KLHL14: variants seen among roughly 807,000 people sequenced by gnomAD.
KLHL14 encodes kelch like family member 14, also known as kelch-like protein 14.
A neutral mutation model predicts 64.3 loss-of-function variants in KLHL14; 22 were observed. The ratio of observed to expected loss-of-function variants is 0.34; its 90% CI spans 0.24 to 0.49. The LOEUF (loss-of-function observed/expected upper bound fraction) is 0.49, where lower values mean the gene tolerates loss of function less well. Among genes scored for constraint, KLHL14 ranks in the 20% least tolerant of loss-of-function variants. The pLI is 0.99. For synonymous variants in KLHL14, 322 were observed against 333.4 expected, an observed-to-expected ratio of 0.97 and a Z score of 0.37; for missense variants, 661 against 789.0, an observed-to-expected ratio of 0.84 and a Z score of 1.94.
At chr18:32,758,189 C>T (rs1348345352) in intron 2 of KLHL14, among the ~76,000 whole-genome samples, 5 of 151,946 alleles carry the variant, frequency 3.3e-5, no homozygotes, top group African/African-American at 1.2e-4. Context: ...GTGGACCGAT[C>T]ACAGCTCACT....
intron 3 of KLHL14, among the ~76,000 whole-genome samples, chr18:32,728,887 C>T (rs552816720): frequency 6.6e-6 from 1 of 152,124 alleles, no homozygotes; most frequent in Non-Finnish European, 1.5e-5. Context: ...GGGCTGGAAG[C>T]CACGAGAAGT....
chr18:32,691,624 G>C (rs2049908196), intron 4 of KLHL14, among the ~76,000 whole-genome samples: 2 of 152,168 alleles, frequency 1.3e-5, no homozygotes, highest in African/African-American at 4.8e-5. Flanking sequence ...AGGTGGCAAA[G>C]GAGGTGCAGA....
In KLHL14 at chr18:32,678,498, A is replaced by G. The variant is rs552091427; in HGVS notation, c.1589-1168T>C. Among the ~76,000 whole-genome samples the G allele has an allele frequency of 5.7e-4, 87 of 152,300 alleles. 1 individual carries two copies. The highest frequency in any genetic ancestry group is 2.1e-3 in the African/African-American group (86 of 41,576). On this transcript the variant is annotated intron_variant, in intron 7 of 8. Coordinates refer to ENST00000359358, the MANE Select transcript of KLHL14 (RefSeq NM_020805.3). ...AATGTACTCACTGCAACACCAGAGTATATTCCTTTCCTTTACCATTAATAT... is the reference window on the plus strand; with the variant it reads ...AATGTACTCACTGCAACACCAGAGTGTATTCCTTTCCTTTACCATTAATAT...
chr18:32,711,995 A>G (rs12458584), intron 3 of KLHL14, among the ~76,000 whole-genome samples: 47,969 of 152,060 alleles, frequency 0.32, 8,797 homozygotes, highest in East Asian at 0.58. Context: ...TTCTTAGACC[A>G]TTAATTATCC....
chr18:32,709,025 A>T (rs1184342098), intron 3 of KLHL14, among the ~76,000 whole-genome samples: 1 of 152,118 alleles, frequency 6.6e-6, no homozygotes, highest in Non-Finnish European at 1.5e-5. Context: ...TTCACAATTT[A>T]CTGAGAAAGT....
At chr18:32,705,420 T>A (rs1450018058) in intron 3 of KLHL14, among the ~76,000 whole-genome samples, 2 of 152,216 alleles carry the variant, frequency 1.3e-5, no homozygotes, top group East Asian at 1.9e-4. Context: ...CAAAATAAAA[T>A]TTTTTAAAAG....
In KLHL14 at chr18:32,769,735, GT is replaced by G. The variant is rs2050367595; in HGVS notation, c.856del (p.Thr286ProfsTer13). On this transcript the variant is annotated frameshift_variant, in exon 2 of 9. Coordinates refer to ENST00000359358, the MANE Select transcript of KLHL14 (RefSeq NM_020805.3). LOFTEE classifies it high-confidence loss of function. ...CAGCAGCTTCTGGCAGACCGGGTCG[GT>G]TCGCATGAAATCCACTGACTGGACC... ...ERVQSVDFMR[T>X]DPVCQKLLLD... 6.3e-7 allele frequency: 1 copy of G among 1,599,228 alleles called. No individual in the cohort carries two copies. Among genetic ancestry groups the G allele is most frequent in the Admixed American group, 1.7e-5 (1 of 59,392 alleles).
intron 4 of KLHL14, 104 bp from the exon 5 acceptor site, chr18:32,687,337 A>T: frequency 2.2e-6 from 2 of 908,604 alleles, no homozygotes; most frequent in Non-Finnish European, 1.8e-6. Context: ...TAACAAATAG[A>T]TGAATTAAGT....
chr18:32,701,078 T>C (rs1279510692), intron 3 of KLHL14, among the ~76,000 whole-genome samples: 1 of 152,184 alleles, frequency 6.6e-6, no homozygotes, highest in Non-Finnish European at 1.5e-5. Context: ...ACACTGGCAT[T>C]ATCGTCCACT....
At chr18:32,686,012 CTTT>C (rs5823856) in intron 5 of KLHL14, among the ~76,000 whole-genome samples, 6 of 138,530 alleles carry the variant, frequency 4.3e-5, no homozygotes, top group Non-Finnish European at 6.3e-5. Context: ...CTTTTTCTTT[CTTT>C]TTTTTTTTTT....
chr18:32,701,229 A>G (rs575960823), intron 3 of KLHL14, among the ~76,000 whole-genome samples: 1 of 152,306 alleles, frequency 6.6e-6, no homozygotes, highest in African/African-American at 2.4e-5. Context: ...TGCTGATAAT[A>G]CACAACTGAA....
intron 2 of KLHL14, among the ~76,000 whole-genome samples, chr18:32,749,907 G>A (rs2050242793): frequency 6.6e-6 from 1 of 152,030 alleles, no homozygotes; most frequent in African/African-American, 2.4e-5. Flanking sequence ...TAGACTGCGT[G>A]GCTTGAACAA....
intron 3 of KLHL14, among the ~76,000 whole-genome samples, chr18:32,740,338 C>G (rs1217686567): frequency 6.6e-6 from 1 of 152,170 alleles, no homozygotes; most frequent in African/African-American, 2.4e-5. Context: ...GTATTGTTCA[C>G]AATGCTTTAA....
Position 32,674,584 on chromosome 18 carries a change from C to T in KLHL14, c.*73G>A. 2.7e-6 allele frequency: 2 copies of T among 738,750 alleles called. No individual in the cohort carries two copies. Among genetic ancestry groups the T allele is most frequent in the South Asian group, 2.9e-5 (2 of 67,888 alleles). 45.8% of individuals were successfully genotyped at this position (738,750 alleles called of 1,614,324 possible). ...AGTTGTACCATTAGAATGCATTGTT[C>T]CTATTATAATAGTGATGTCACCTGC... On this transcript the variant is annotated 3_prime_UTR_variant, in exon 9 of 9. Transcript: ENST00000359358.
intron 2 of KLHL14, among the ~76,000 whole-genome samples, chr18:32,762,095 TA>T (rs535726580): frequency 7.0e-4 from 104 of 149,138 alleles, no homozygotes; most frequent in African/African-American, 2.3e-3. Context: ...ACAATGGATT[TA>T]AAAAAAAAAC....
chr18:32,685,327 T>G (rs1247501375), intron 5 of KLHL14, among the ~76,000 whole-genome samples: 1 of 152,192 alleles, frequency 6.6e-6, no homozygotes, highest in Non-Finnish European at 1.5e-5. Flanking sequence ...CCTTAGGGGC[T>G]CTACAGTGGG....
chr18:32,715,064 G>A (rs1362109134), intron 3 of KLHL14, among the ~76,000 whole-genome samples: 2 of 152,026 alleles, frequency 1.3e-5, no homozygotes, highest in African/African-American at 2.4e-5. Flanking sequence ...CTATAAAGTA[G>A]TTTCTCCTTT....
chr18:32,745,618 T>C (rs1220616750), intron 2 of KLHL14: 3 of 152,216 alleles, frequency 2.0e-5, no homozygotes, highest in African/African-American at 7.2e-5. Context: ...ATAATACAAA[T>C]GAGAATAACC....
intron 4 of KLHL14, 42 bp from the exon 5 acceptor site, chr18:32,687,275 T>G (rs1226959764): frequency 1.3e-6 from 2 of 1,490,188 alleles, no homozygotes; most frequent in East Asian, 4.5e-5. Context: ...TAGATTCTTT[T>G]GTTGATTTGC....
Sources: allele counts gnomAD v4.1 joint callset (sites outside exome capture counted in the v4.1 genomes callset), GRCh38; gene constraint gnomAD v4.1.1; transcripts MANE v1.5; gene names NCBI Gene and HGNC (gene_info 2026-07-23, HGNC 2026-07-21).